Variants in XKR7 observed in about 807,000 individuals in gnomAD.
The protein encoded by XKR7 is XK-related protein 7.
A neutral mutation model predicts 42.2 loss-of-function variants in XKR7; 11 were observed. The ratio of observed to expected loss-of-function variants is 0.26; its 90% CI spans 0.16 to 0.43. The LOEUF is 0.43. XKR7 is among the 20% of genes least tolerant of loss of function. XKR7 has a pLI of 1.00. For missense variants in XKR7, 710 were observed against 802.2 expected (o/e 0.89, Z 1.39); for synonymous variants, 346 against 366.4 (o/e 0.94, Z 0.64).
chr20:31,993,895 G>A (rs1418810303), intron 1 of XKR7, among the ~76,000 whole-genome samples: 1 of 152,214 alleles, frequency 6.6e-6, no homozygotes, highest in Non-Finnish European at 1.5e-5. Context: ...TCCCGGGTTG[G>A]GGCCGGGATG....
At chr20:31,989,278 C>CT (rs576686568) in intron 1 of XKR7, among the ~76,000 whole-genome samples, 2 of 117,942 alleles carry the variant, frequency 1.7e-5, no homozygotes, top group Admixed American at 1.6e-4. Context: ...TTAGGACACC[C>CT]CCCCCCCAGC....
Position 31,968,792 on chromosome 20 carries a change from C to T in XKR7, c.584+33C>T. The T allele has an allele frequency of 1.4e-6, 2 of 1,460,836 alleles. No individual in the cohort carries two copies. Among genetic ancestry groups the T allele is most frequent in the African/African-American group, 2.8e-5 (2 of 71,146 alleles). 90.5% of individuals were successfully genotyped at this position (1,460,836 alleles called of 1,614,324 possible). A position where few individuals can be genotyped will look rare whatever the true frequency, so the allele number is the denominator to read the frequency against. ...AAGCGCAGGTGGAGGGACCTGAGCC[C>T]GAGGAGTGGGGGTGGCGAAGGGCTA... On this transcript the variant is annotated intron_variant, in intron 1 of 2. Coordinates refer to ENST00000562532, the MANE Select transcript of XKR7 (RefSeq NM_001011718.2). The surrounding 1 kb of genome is among the most constrained non-coding windows in gnomAD (Gnocchi z 4.5).
chr20:31,987,590 C>T (rs1386338076), intron 1 of XKR7, among the ~76,000 whole-genome samples: 1 of 151,838 alleles, frequency 6.6e-6, no homozygotes, highest in South Asian at 2.1e-4. Context: ...AGTATCAAGA[C>T]ACAGACACAC....
Position 31,983,163 on chromosome 20 carries a change from A to C in XKR7, c.585-11905A>C, listed in dbSNP as rs74627377. ...GTATAATCACTCTCTTCATTCATTC[A>C]CTCACTCAACAAATGACTGTACATT... On this transcript the variant is annotated intron_variant, in intron 1 of 2. Coordinates refer to ENST00000562532, the MANE Select transcript of XKR7 (RefSeq NM_001011718.2). Among the ~76,000 whole-genome samples, 657 of 152,204 alleles carry C rather than the reference A, an allele frequency of 4.3e-3. 4 individuals carry two copies. The highest frequency in any genetic ancestry group is 6.5e-3 in the Non-Finnish European group (444 of 68,020).
intron 1 of XKR7, among the ~76,000 whole-genome samples, chr20:31,981,201 CAA>C (rs113760677): frequency 1.1e-4 from 14 of 122,162 alleles, no homozygotes; most frequent in Non-Finnish European, 2.1e-4. Context: ...CCTGTCTCTA[CAA>C]AAAAAAAAAA....
intron 1 of XKR7, among the ~76,000 whole-genome samples, chr20:31,984,197 G>A (rs989915597): frequency 9.2e-5 from 14 of 151,760 alleles, no homozygotes; most frequent in African/African-American, 3.2e-4. Flanking sequence ...GGACGTGGAG[G>A]TTGCAGTGAG....
At chr20:31,974,857 C>T (rs1024139069) in intron 1 of XKR7, among the ~76,000 whole-genome samples, 3 of 152,106 alleles carry the variant, frequency 2.0e-5, no homozygotes, top group African/African-American at 4.8e-5. Context: ...TAGGGTTGTT[C>T]CAGTTTGGGC....
At chr20:31,992,608 G>A (rs1444488238) in intron 1 of XKR7, among the ~76,000 whole-genome samples, 1 of 152,192 alleles carries the variant, frequency 6.6e-6, no homozygotes, top group Non-Finnish European at 1.5e-5. Context: ...TCCAGAGTCA[G>A]CTTCTGAGGG....
chr20:31,980,048 G>A (rs2064504491), intron 1 of XKR7, among the ~76,000 whole-genome samples: 1 of 151,412 alleles, frequency 6.6e-6, no homozygotes, highest in Admixed American at 6.6e-5. Context: ...GGGAGCTGAT[G>A]AGGGTGAGTG....
chr20:31,974,050 G>A (rs775767772), intron 1 of XKR7, among the ~76,000 whole-genome samples: 7 of 152,120 alleles, frequency 4.6e-5, no homozygotes, highest in Non-Finnish European at 1.0e-4. Context: ...AAAATTAGCT[G>A]GGCATGGTGG....
chr20:31,983,311 T>C (rs1304437243), intron 1 of XKR7, among the ~76,000 whole-genome samples: 3 of 152,008 alleles, frequency 2.0e-5, no homozygotes, highest in Non-Finnish European at 4.4e-5. Context: ...AATGAGATGG[T>C]TTCAGGTTGT....
chr20:31,986,695 G>A (rs528073775), intron 1 of XKR7, among the ~76,000 whole-genome samples: 3 of 138,770 alleles, frequency 2.2e-5, no homozygotes, highest in African/African-American at 8.3e-5. Context: ...CCACCAAACG[G>A]ATCCAGTATC....
rs2064584086 is a variant in XKR7, at chr20:31,994,987, G to T, written c.585-81G>T. On this transcript the variant is annotated intron_variant, in intron 1 of 2. Coordinates refer to ENST00000562532, the MANE Select transcript of XKR7 (RefSeq NM_001011718.2). ...GCGTAGGGAGTGACTTGCCCCCTGCGCCTGTGGGCGGCTCGGGGCTGGTGC... is the reference window on the plus strand; with the variant it reads ...GCGTAGGGAGTGACTTGCCCCCTGCTCCTGTGGGCGGCTCGGGGCTGGTGC... 2.0e-6 allele frequency: 3 copies of T among 1,514,166 alleles called. No individual in the cohort carries two copies. The South Asian group carries it at 3.8e-5, about 19-fold the overall frequency. 93.8% of individuals were successfully genotyped at this position (1,514,166 alleles called of 1,614,324 possible).
rs1456043605 is a variant in XKR7 at position 31,997,365 on chromosome 20, G to T, written c.1648G>T (p.Ala550Ser). The change falls in exon 3 of 3, where the codon GCA becomes TCA. Residue 550 changes from alanine to serine, a missense_variant. Physicochemically the swap from Ala to Ser is moderately conservative, Grantham distance 99. Around this residue, in one of 2 missense-constraint regions of XKR7, gnomAD observed 708 missense variants for 786.2 expected, o/e 0.90. Transcript: ENST00000562532. ...CCGCCGGCTCCGGAAGACCATCCTGGCACTGGAGTACTCCTCACCTGCCAC... is the reference window on the plus strand; with the variant it reads ...CCGCCGGCTCCGGAAGACCATCCTGTCACTGGAGTACTCCTCACCTGCCAC... ...IDRRLRKTILALEYSSPATPR... is the reference protein window; with the variant it reads ...IDRRLRKTILSLEYSSPATPR... 1.1e-5 allele frequency: 18 copies of T among 1,602,964 alleles called. No individual in the cohort carries two copies. Among genetic ancestry groups the T allele is most frequent in the Non-Finnish European group, 1.4e-5 (17 of 1,179,976 alleles).
intron 1 of XKR7, among the ~76,000 whole-genome samples, chr20:31,980,279 T>C (rs2064505933): frequency 6.6e-6 from 1 of 152,212 alleles, no homozygotes; most frequent in South Asian, 2.1e-4. Flanking sequence ...ATGACTCATT[T>C]GGCTGACAAC....
At chr20:31,994,986 C>A (rs1367410362) in intron 1 of XKR7, 82 bp from the exon 2 acceptor site, 37 of 1,513,886 alleles carry the variant, frequency 2.4e-5, no homozygotes, top group South Asian at 5.0e-5. Context: ...TTGCCCCCTG[C>A]GCCTGTGGGC....
Position 31,995,046 on chromosome 20 carries a change from G to A in XKR7, c.585-22G>A, listed in dbSNP as rs753610786. On this transcript the variant is annotated intron_variant, in intron 1 of 2. Transcript: ENST00000562532. This position sits in a 1 kb window ranked among gnomAD's most constrained non-coding sequence, Gnocchi z 4.1. ...GAGAGGAACCAGCGCGCGGGAGCCT[G>A]AGCACCGCGTCCTTCCCGCAGGTAC... 64 of 1,540,730 alleles carry A rather than the reference G, an allele frequency of 4.2e-5. No individual in the cohort carries two copies. Among genetic ancestry groups the A allele is most frequent in the Admixed American group, 7.9e-5 (4 of 50,446 alleles).
chr20:31,986,131 A>G (rs2064538807), intron 1 of XKR7, among the ~76,000 whole-genome samples: 1 of 148,264 alleles, frequency 6.7e-6, no homozygotes, highest in African/African-American at 2.5e-5. Flanking sequence ...TCCAGCATCC[A>G]AGGCACAGAC....
At position 31,968,799 on chromosome 20, in the gene XKR7, T is replaced by C; in HGVS notation, c.584+40T>C. The C allele has an allele frequency of 6.9e-7, 1 of 1,453,446 alleles. No individual in the cohort carries two copies. Among genetic ancestry groups the C allele is most frequent in the Non-Finnish European group, 9.0e-7 (1 of 1,108,596 alleles). The allele number at this position is 1,453,446 out of a possible 1,614,324, so 90.0% of individuals were successfully genotyped here. ...GGTGGAGGGACCTGAGCCCGAGGAG[T>C]GGGGGTGGCGAAGGGCTACCTGACG... On this transcript the variant is annotated intron_variant, in intron 1 of 2. Transcript: ENST00000562532. This position sits in a 1 kb window ranked among gnomAD's most constrained non-coding sequence, Gnocchi z 4.5.
Sources: gnomAD v4.1 joint callset for allele counts (sites outside exome capture counted in the v4.1 genomes callset) on GRCh38, gnomAD v4.1.1 for gene constraint, gnomAD v4.1.1 regional missense constraint, Gnocchi (gnomAD v3.1) non-coding constraint, MANE v1.5 for transcripts, NCBI Gene and HGNC (gene_info 2026-07-23, HGNC 2026-07-21) for gene names.